The following HERC2 variants were observed in gnomAD, a reference collection of about 807,000 sequenced individuals.
HERC2 encodes the protein E3 ubiquitin-protein ligase HERC2.
In HERC2, 102 loss-of-function variants were observed where a neutral mutation model predicts 537.7. That is an observed-to-expected ratio of 0.19 (90% CI 0.16 to 0.22). The LOEUF (loss-of-function observed/expected upper bound fraction) is 0.22. Ranked by LOEUF, HERC2 falls within the 10% of genes least tolerant of loss-of-function variation. The pLI is 1.00. For synonymous variants in HERC2, 2,224 were observed against 2,466.2 expected (o/e 0.90, Z 2.91); for missense variants, 4,236 against 6,198.2 (o/e 0.68, Z 10.63).
At chr15:28,246,551 G>A (rs1220863084) in intron 22 of HERC2, among the ~76,000 whole-genome samples, 191 bp downstream of exon 22, 1 of 151,678 alleles carries the variant, frequency 6.6e-6, no homozygotes, top group Non-Finnish European at 1.5e-5. Context: ...CATTTAAAGT[G>A]ATATGAGTCC....
intron 35 of HERC2, among the ~76,000 whole-genome samples, chr15:28,223,740 T>C (rs1192413037): frequency 6.6e-6 from 1 of 152,218 alleles, no homozygotes; most frequent in Non-Finnish European, 1.5e-5. Flanking sequence ...AAATATTATA[T>C]GCTTATGATT....
At chr15:28,262,421 T>A (rs1017074395) in intron 15 of HERC2, among the ~76,000 whole-genome samples, 9 of 152,192 alleles carry the variant, frequency 5.9e-5, no homozygotes, top group African/African-American at 1.7e-4. Context: ...CTTCCATCTC[T>A]TGCCTCCAAC....
intron 81 of HERC2, among the ~76,000 whole-genome samples, 182 bp downstream of exon 81, chr15:28,131,918 T>C (rs1890148995): frequency 6.6e-6 from 1 of 152,132 alleles, no homozygotes; most frequent in Non-Finnish European, 1.5e-5. Context: ...CTCCACACAC[T>C]TTCTAGCCAA....
chr15:28,212,258 A>G (rs1899330799), intron 43 of HERC2, among the ~76,000 whole-genome samples, 187 bp downstream of exon 43: 1 of 152,192 alleles, frequency 6.6e-6, no homozygotes, highest in Non-Finnish European at 1.5e-5. Flanking sequence ...ATGGCGACAA[A>G]AGCTGACTCG....
At position 28,113,734 on chromosome 15, in the gene HERC2, G is replaced by T; in HGVS notation, c.13914-56C>A. 7.0e-7 allele frequency: 1 copy of T among 1,422,582 alleles called. No individual in the cohort carries two copies. Among genetic ancestry groups the T allele is most frequent in the Non-Finnish European group, 9.9e-7 (1 of 1,013,334 alleles). The allele number at this position is 1,422,582 out of a possible 1,614,324, so 88.1% of individuals were successfully genotyped here. On this transcript the variant is annotated intron_variant, in intron 90 of 92. Transcript: ENST00000261609. The surrounding 1 kb of genome is among the most constrained non-coding windows in gnomAD (Gnocchi z 7.0). ...TCTTCAGTGACACTGACTTTATGCTGCTCACACCAAGCCTTGGCATGCAGC... is the reference window on the plus strand; with the variant it reads ...TCTTCAGTGACACTGACTTTATGCTTCTCACACCAAGCCTTGGCATGCAGC...
At chr15:28,136,687 CG>C (rs1462961561) in intron 78 of HERC2, among the ~76,000 whole-genome samples, 1 of 152,220 alleles carries the variant, frequency 6.6e-6, no homozygotes, top group Non-Finnish European at 1.5e-5. Context: ...TGAAGCTTTA[CG>C]GGAACACGGC....
chr15:28,190,274 C>T (rs1026610884), intron 55 of HERC2: 1 of 151,808 alleles, frequency 6.6e-6, no homozygotes, highest in Non-Finnish European at 1.5e-5. Context: ...CCGCCTCAGC[C>T]TCCCAGAGTG....
intron 1 of HERC2, 61 bp from the exon 2 acceptor site, chr15:28,321,525 C>A: frequency 2.4e-6 from 2 of 831,934 alleles, no homozygotes; most frequent in East Asian, 3.4e-5. Context: ...AAGACACTCC[C>A]GAAAGCCAGA....
At chr15:28,216,995 A>T (rs1899983958) in intron 38 of HERC2, among the ~76,000 whole-genome samples, 1 of 152,108 alleles carries the variant, frequency 6.6e-6, no homozygotes. Context: ...TGACACAAGC[A>T]AAATGCTCAC....
At chr15:28,307,081 C>T (rs566059982) in intron 2 of HERC2, among the ~76,000 whole-genome samples, 20 of 152,322 alleles carry the variant, frequency 1.3e-4, no homozygotes, top group African/African-American at 2.2e-4. Context: ...GTGACCCACC[C>T]GCCTCAGCCT....
At chr15:28,225,244 C>A (rs751777432) in intron 35 of HERC2, among the ~76,000 whole-genome samples, 1 of 149,830 alleles carries the variant, frequency 6.7e-6, no homozygotes, top group African/African-American at 2.5e-5. Flanking sequence ...AAAGTAAGAC[C>A]CTGTCTCAAA....
Position 28,210,234 on chromosome 15 carries a change from T to G in HERC2, c.7069+768A>C, listed in dbSNP as rs191780316. ...CTGTAAGCTCCGCCTCCCGGATTCA[T>G]GCCATTCTCCTGCGTCAGCCTCCCA... On this transcript the variant is annotated intron_variant, in intron 44 of 92. Coordinates refer to ENST00000261609, the MANE Select transcript of HERC2 (RefSeq NM_004667.6). Among the ~76,000 whole-genome samples the G allele has an allele frequency of 2.4e-4, 37 of 152,160 alleles. No individual in the cohort carries two copies. In the East Asian group the frequency reaches 5.4e-3, roughly 22 times the overall value.
chr15:28,317,899 T>C (rs1461024409), intron 2 of HERC2, among the ~76,000 whole-genome samples: 1 of 152,206 alleles, frequency 6.6e-6, no homozygotes, highest in East Asian at 1.9e-4. Context: ...AGTCTATTAT[T>C]ATTTCAAAAT....
intron 65 of HERC2, among the ~76,000 whole-genome samples, chr15:28,174,015 A>G (rs111433258): frequency 0.27 from 40,160 of 146,408 alleles, 7,132 homozygotes; most frequent in African/African-American, 0.55. Context: ...TTCCAAAGTC[A>G]ATCAAAATGC....
rs1454243270 is a variant in HERC2, at chr15:28,308,376, A to G, written c.73-8860T>C. 5.9e-5 allele frequency among the ~76,000 whole-genome samples: 9 copies of G among 152,336 alleles called. No homozygotes were observed. The East Asian group carries it at 1.7e-3, about 29-fold the overall frequency. ...TATTGTTTACTGTTGGCACACAGAA[A>G]TGCTACTGATTTTTGTATGTTGATT... On this transcript the variant is annotated intron_variant, in intron 2 of 92. Coordinates refer to ENST00000261609, the MANE Select transcript of HERC2 (RefSeq NM_004667.6).
intron 57 of HERC2, 50 bp downstream of exon 57, chr15:28,182,351 G>T (rs1435786693): frequency 1.8e-6 from 2 of 1,142,018 alleles, no homozygotes; most frequent in Admixed American, 3.5e-5. Context: ...CACGAGGTGT[G>T]GCTGCTGCCG....
chr15:28,188,647 A>G lies in HERC2; in HGVS notation c.8650-1895T>C, dbSNP rs79933035. Among the ~76,000 whole-genome samples the G allele has an allele frequency of 6.6e-5, 10 of 152,282 alleles. No homozygotes were observed. The East Asian group carries it at 1.7e-3, about 26-fold the overall frequency. On this transcript the variant is annotated intron_variant, in intron 55 of 92. Coordinates refer to ENST00000261609, the MANE Select transcript of HERC2 (RefSeq NM_004667.6). ...GAATATTGAAGCAAGTGCTCCTGAAATAAGACCATGACTAGGACTTGCTGA... is the reference window on the plus strand; with the variant it reads ...GAATATTGAAGCAAGTGCTCCTGAAGTAAGACCATGACTAGGACTTGCTGA...
intron 16 of HERC2, among the ~76,000 whole-genome samples, chr15:28,257,930 C>T (rs959180326): frequency 4.0e-5 from 6 of 151,578 alleles, no homozygotes; most frequent in Admixed American, 3.3e-4. Flanking sequence ...ATGATCTGCC[C>T]GCCTCAGCCT....
intron 89 of HERC2, chr15:28,115,227 G>A (rs1888090779): frequency 3.7e-6 from 2 of 546,950 alleles, no homozygotes; most frequent in South Asian, 5.1e-5. Context: ...TGACAAGACA[G>A]TGTATGTTAC....
Sources: gnomAD v4.1 joint callset for allele counts (sites outside exome capture counted in the v4.1 genomes callset) on GRCh38, gnomAD v4.1.1 for gene constraint, Gnocchi (gnomAD v3.1) non-coding constraint, MANE v1.5 for transcripts, NCBI Gene and HGNC (gene_info 2026-07-23, HGNC 2026-07-21) for gene names.